ZNF793: variants seen among roughly 807,000 people sequenced by gnomAD.
ZNF793 encodes the protein zinc finger protein 793.
A neutral mutation model predicts 12.4 loss-of-function variants in ZNF793; 5 were observed. That is an observed-to-expected ratio of 0.40 (90% confidence interval 0.21 to 0.84). The LOEUF (loss-of-function observed/expected upper bound fraction) is 0.84. ZNF793 is among the 40% of genes least tolerant of loss of function. The pLI is 0.35. For synonymous variants in ZNF793, 162 were observed against 172.4 expected (o/e 0.94, Z 0.47); for missense variants, 456 against 495.0 (o/e 0.92, Z 0.75).
intron 5 of ZNF793, among the ~76,000 whole-genome samples, chr19:37,525,060 T>C (rs1484402103): frequency 6.6e-6 from 1 of 152,066 alleles, no homozygotes; most frequent in Non-Finnish European, 1.5e-5. Flanking sequence ...TTGCTTGCGA[T>C]CCACATATAT....
chr19:37,513,247 C>T (rs1251928202), intron 2 of ZNF793, among the ~76,000 whole-genome samples: 1 of 152,164 alleles, frequency 6.6e-6, no homozygotes, highest in Non-Finnish European at 1.5e-5. Flanking sequence ...TAACCTCAAA[C>T]TTTCATCCAC....
chr19:37,523,702 C>T (rs953478704), intron 5 of ZNF793, among the ~76,000 whole-genome samples: 1 of 152,130 alleles, frequency 6.6e-6, no homozygotes, highest in Non-Finnish European at 1.5e-5. Flanking sequence ...GGATCTTATC[C>T]TCTGGAGCTG....
chr19:37,511,530 G>A (rs1200277965), intron 2 of ZNF793, among the ~76,000 whole-genome samples: 1 of 152,110 alleles, frequency 6.6e-6, no homozygotes. Flanking sequence ...AATCAGATGG[G>A]CATGGTGACA....
chr19:37,520,478 T>C (rs1277224527), intron 3 of ZNF793, among the ~76,000 whole-genome samples, 166 bp downstream of exon 3: 2 of 152,110 alleles, frequency 1.3e-5, no homozygotes, highest in Non-Finnish European at 2.9e-5. Flanking sequence ...AATAGCTTCA[T>C]CCCTGAGCCA....
chr19:37,520,427 C>G (rs1052321434), intron 3 of ZNF793, 115 bp downstream of exon 3: 2 of 152,188 alleles, frequency 1.3e-5, no homozygotes, highest in Non-Finnish European at 2.9e-5. Flanking sequence ...TCACTCAGAC[C>G]CCATACCTCT....
intron 5 of ZNF793, among the ~76,000 whole-genome samples, chr19:37,532,015 AT>A (rs1192826542): frequency 0.31 from 44,585 of 143,186 alleles, 7,720 homozygotes; most frequent in Non-Finnish European, 0.45. Flanking sequence ...CTTGCACAAA[AT>A]TTTTTTTTTT....
rs1306605384 is a variant in ZNF793 at position 37,539,025 on chromosome 19, G to A, written c.*1146G>A. The stretch of plus-strand genomic sequence containing the variant: ...ACCAGCTACATTTTTCCACCTTTTT[G>A]TAATACATGTAAATGGCTATAGAGG... On this transcript the variant is annotated 3_prime_UTR_variant, in exon 8 of 8. Transcript: ENST00000627814. 1.3e-5 allele frequency: 2 copies of A among 152,104 alleles called. No individual in the cohort carries two copies. The highest frequency in any genetic ancestry group is 2.9e-5 in the Non-Finnish European group (2 of 68,026). The allele number at this position is 152,104 out of a possible 1,614,324, so 9.4% of individuals were successfully genotyped here.
chr19:37,537,474 A>G lies in ZNF793; in HGVS notation c.816A>G (p.Lys272=), dbSNP rs1228145510. 6.2e-7 allele frequency: 1 copy of G among 1,613,940 alleles called. No homozygotes were observed. The highest frequency in any genetic ancestry group is 1.7e-5 in the Admixed American group (1 of 60,002). Residue 272 remains lysine (K), a synonymous_variant, in exon 8 of 8, where the codon AAA becomes AAG. Coordinates refer to ENST00000627814, the MANE Select transcript of ZNF793 (RefSeq NM_001013659.3). ...KAFSHKSTLI[K]HQRIHTGVRP... ...TTTCACATAAGTCAACCCTCATCAA[A>G]CACCAGAGAATTCACACTGGGGTAA...
intron 5 of ZNF793, among the ~76,000 whole-genome samples, chr19:37,525,140 CTTT>C (rs553421764): frequency 2.8e-5 from 4 of 143,822 alleles, no homozygotes; most frequent in Non-Finnish European, 1.5e-5. Flanking sequence ...TGTTTTCTCT[CTTT>C]TTTTTTTTTT....
At chr19:37,528,382 C>G (rs921536011) in intron 5 of ZNF793, among the ~76,000 whole-genome samples, 4 of 151,854 alleles carry the variant, frequency 2.6e-5, no homozygotes, top group African/African-American at 9.7e-5. Context: ...CACCACTGAC[C>G]TCAGTTTCCA....
intron 2 of ZNF793, among the ~76,000 whole-genome samples, chr19:37,512,851 G>T (rs2042304195): frequency 6.6e-6 from 1 of 151,984 alleles, no homozygotes; most frequent in South Asian, 2.1e-4. Context: ...AATGGTCCAG[G>T]ATTCTAATCC....
chr19:37,507,279 G>A (rs2042257654), intron 1 of ZNF793: 1 of 152,604 alleles, frequency 6.6e-6, no homozygotes, highest in Non-Finnish European at 1.5e-5. Flanking sequence ...CGAGTTCTGT[G>A]AAATGTCTTG....
chr19:37,519,322 T>G (rs1032349783), intron 2 of ZNF793, among the ~76,000 whole-genome samples: 2 of 152,178 alleles, frequency 1.3e-5, no homozygotes, highest in African/African-American at 4.8e-5. Flanking sequence ...TATCCTGCCC[T>G]CCTACCAGCA....
intron 2 of ZNF793, among the ~76,000 whole-genome samples, chr19:37,513,618 C>A (rs2042309610): frequency 6.6e-6 from 1 of 152,200 alleles, no homozygotes; most frequent in African/African-American, 2.4e-5. Context: ...CTGGGCCAGA[C>A]AGATTTCTGC....
At position 37,537,932 on chromosome 19, in the gene ZNF793, G is replaced by C; in HGVS notation, c.*53G>C. ...GGGAATTTTTTTTTTTTTTTTTTGA[G>C]TTGGAATCTCACTTTGTCACCCAGG... On this transcript the variant is annotated 3_prime_UTR_variant, in exon 8 of 8. Transcript: ENST00000627814. 3 of 1,380,860 alleles carry C rather than the reference G, an allele frequency of 2.2e-6. No individual in the cohort carries two copies. The highest frequency in any genetic ancestry group is 2.9e-6 in the Non-Finnish European group (3 of 1,049,128). 85.5% of individuals were successfully genotyped at this position (1,380,860 alleles called of 1,614,324 possible). A position where few individuals can be genotyped will look rare whatever the true frequency, so the allele number is the denominator to read the frequency against.
intron 2 of ZNF793, among the ~76,000 whole-genome samples, chr19:37,511,444 G>C (rs765675984): frequency 1.3e-5 from 2 of 152,152 alleles, no homozygotes; most frequent in Admixed American, 6.5e-5. Flanking sequence ...ACTTTGCAAG[G>C]ATGAGGTGGG....
At chr19:37,535,639 C>T (rs1393315044) in intron 7 of ZNF793, 1 of 152,122 alleles carries the variant, frequency 6.6e-6, no homozygotes, top group East Asian at 1.9e-4. Flanking sequence ...ATTCTCCTGC[C>T]TCAGCCTCCC....
rs1412048997 is a variant in ZNF793, at chr19:37,538,193, G to A, written c.*314G>A. ...TCCTCCCAAAGTGCTGGGATTACAG[G>A]CGTGAGCCACCGCGCCTGGCCGGTA... is the stretch of plus-strand genomic sequence containing the variant. On this transcript the variant is annotated 3_prime_UTR_variant, in exon 8 of 8. Transcript: ENST00000627814. The A allele has an allele frequency of 8.3e-6, 2 of 241,676 alleles. No individual in the cohort carries two copies. The highest frequency in any genetic ancestry group is 2.3e-5 in the African/African-American group (1 of 44,056). 15.0% of individuals were successfully genotyped at this position (241,676 alleles called of 1,614,324 possible).
chr19:37,534,480 C>CCACACA (rs1358412831), intron 7 of ZNF793: 4 of 150,264 alleles, frequency 2.7e-5, no homozygotes, highest in Non-Finnish European at 4.4e-5. Flanking sequence ...GCTACCCCTG[C>CCACACA]CACACACACA....
Sources: gnomAD v4.1 joint callset for allele counts (sites outside exome capture counted in the v4.1 genomes callset) on GRCh38, gnomAD v4.1.1 for gene constraint, MANE v1.5 for transcripts, NCBI Gene and HGNC (gene_info 2026-07-23, HGNC 2026-07-21) for gene names.